Variants in VMP1 observed in about 807,000 individuals in gnomAD.
VMP1 encodes ectopic P-granules autophagy protein 3 homolog.
A neutral mutation model predicts 56.0 loss-of-function variants in VMP1; 11 were observed. The observed-to-expected ratio is 0.20, with a 90% CI of 0.12 to 0.32. The LOEUF (loss-of-function observed/expected upper bound fraction) is 0.32, where lower values mean the gene tolerates loss of function less well. Ranked by LOEUF, VMP1 falls within the 10% of genes least tolerant of loss-of-function variation. VMP1 has a pLI of 1.00. For synonymous variants in VMP1, 149 were observed against 165.0 expected (o/e 0.90, Z 0.74); for missense variants, 296 against 490.3 (o/e 0.60, Z 3.74).
intron 5 of VMP1, among the ~76,000 whole-genome samples, chr17:59,760,676 A>G (rs912510165): frequency 1.3e-5 from 2 of 152,026 alleles, no homozygotes; most frequent in Non-Finnish European, 2.9e-5. Flanking sequence ...GCTGGAGTGC[A>G]GTGGCGCAAT....
intron 9 of VMP1, 71 bp downstream of exon 9, chr17:59,811,857 C>G: frequency 9.3e-7 from 1 of 1,072,616 alleles, no homozygotes; most frequent in African/African-American, 1.6e-5. Flanking sequence ...ATGCTCATTC[C>G]TAAGTGAATT....
chr17:59,767,032 G>A (rs1039103152), intron 6 of VMP1, among the ~76,000 whole-genome samples: 4 of 151,864 alleles, frequency 2.6e-5, no homozygotes, highest in East Asian at 1.9e-4. Context: ...TCCACCAGGC[G>A]TGAGCCACCT....
At chr17:59,753,571 G>A (rs2035732338) in intron 5 of VMP1, among the ~76,000 whole-genome samples, 1 of 152,150 alleles carries the variant, frequency 6.6e-6, no homozygotes, top group Non-Finnish European at 1.5e-5. Context: ...TAGCAAAGGA[G>A]TCCATGGGCT....
At position 59,769,595 on chromosome 17, in the gene VMP1, TG is replaced by T. The variant is rs558631002; in HGVS notation, c.583-4157del. 2.6e-3 allele frequency among the ~76,000 whole-genome samples: 393 copies of T among 152,340 alleles called. 1 individual carries two copies. The highest frequency in any genetic ancestry group is 8.4e-3 in the African/African-American group (350 of 41,578). On this transcript the variant is annotated intron_variant, in intron 6 of 11. Transcript: ENST00000262291. ...TCCAAGAAGATGCTGTGTTATCAGTTGGTTTGCATATTTTGTGCATATTAAA... is the reference window on the plus strand; with the variant it reads ...TCCAAGAAGATGCTGTGTTATCAGTTGTTTGCATATTTTGTGCATATTAAA...
chr17:59,779,791 T>C (rs952403734), intron 7 of VMP1, among the ~76,000 whole-genome samples: 11 of 152,214 alleles, frequency 7.2e-5, no homozygotes, highest in Admixed American at 2.0e-4. Flanking sequence ...CACCCTACAT[T>C]GGCTAGAATA....
Position 59,825,219 on chromosome 17 carries a change from A to T in VMP1, c.974+7446A>T, listed in dbSNP as rs184054295. On this transcript the variant is annotated intron_variant, in intron 10 of 11. Transcript: ENST00000262291. The stretch of plus-strand genomic sequence containing the variant: ...CTCCCGAGTAGCTGGGATTACAGGC[A>T]CCTGCCACCATGCCTGGCTAATTTT... Among the ~76,000 whole-genome samples, 126 of 149,600 alleles carry T rather than the reference A, an allele frequency of 8.4e-4. No homozygotes were observed. The East Asian group carries it at 0.015, about 18-fold the overall frequency.
intron 1 of VMP1, among the ~76,000 whole-genome samples, chr17:59,718,972 T>C (rs1259679416): frequency 6.6e-6 from 1 of 152,138 alleles, no homozygotes. Flanking sequence ...GATAGACATA[T>C]CAGATGACAC....
At chr17:59,798,211 C>T (rs749377921) in intron 7 of VMP1, among the ~76,000 whole-genome samples, 17 of 152,296 alleles carry the variant, frequency 1.1e-4, no homozygotes, top group Non-Finnish European at 2.5e-4. Flanking sequence ...ATCTATACAT[C>T]GAGAAATCCA....
intron 10 of VMP1, among the ~76,000 whole-genome samples, chr17:59,835,522 C>G (rs973666276): frequency 6.8e-6 from 1 of 146,266 alleles, no homozygotes; most frequent in Non-Finnish European, 1.5e-5. Context: ...CAGAGTTTCA[C>G]TCTCGTTGCC....
At chr17:59,836,459 A>G (rs1366167588) in intron 10 of VMP1, among the ~76,000 whole-genome samples, 1 of 152,036 alleles carries the variant, frequency 6.6e-6, no homozygotes, top group African/African-American at 2.4e-5. Context: ...TGGCCTCCCA[A>G]AGTGCTGGGA....
chr17:59,823,084 C>A (rs186929827), intron 10 of VMP1, among the ~76,000 whole-genome samples: 3 of 152,058 alleles, frequency 2.0e-5, no homozygotes, highest in Admixed American at 2.0e-4. Context: ...GACCCTGATT[C>A]TTGAAAAAAA....
At chr17:59,795,030 C>G (rs2037387039) in intron 7 of VMP1, among the ~76,000 whole-genome samples, 1 of 141,734 alleles carries the variant, frequency 7.1e-6, no homozygotes, top group Admixed American at 7.5e-5. Context: ...GGAGTTTCGC[C>G]CTTGTCGCTC....
chr17:59,807,439 C>T (rs993343127), intron 7 of VMP1, among the ~76,000 whole-genome samples: 6 of 151,926 alleles, frequency 3.9e-5, no homozygotes, highest in African/African-American at 1.2e-4. Flanking sequence ...CCTTGTGATC[C>T]GCCTGCCTCA....
At chr17:59,831,801 G>T (rs1487075950) in intron 10 of VMP1, among the ~76,000 whole-genome samples, 5 of 149,218 alleles carry the variant, frequency 3.4e-5, no homozygotes, top group African/African-American at 1.2e-4. Flanking sequence ...GCATTCCTGA[G>T]TTTTTTTTTT....
At chr17:59,743,335 A>C (rs550329203) in intron 5 of VMP1, among the ~76,000 whole-genome samples, 1 of 152,276 alleles carries the variant, frequency 6.6e-6, no homozygotes, top group African/African-American at 2.4e-5. Context: ...TCCAGAAGAC[A>C]CTATAGTTGG....
At chr17:59,720,933 A>AT (rs531593074) in intron 1 of VMP1, among the ~76,000 whole-genome samples, 9 of 152,164 alleles carry the variant, frequency 5.9e-5, no homozygotes, top group African/African-American at 2.2e-4. Context: ...AGATTGTGCC[A>AT]TTGCACTCAA....
At position 59,712,677 on chromosome 17, in the gene VMP1, C is replaced by T. The variant is rs928969515; in HGVS notation, c.-27+4929C>T. Among the ~76,000 whole-genome samples the T allele has an allele frequency of 3.3e-5, 5 of 152,248 alleles. No individual in the cohort carries two copies. In the East Asian group the frequency reaches 7.7e-4, roughly 23 times the overall value. On this transcript the variant is annotated intron_variant, in intron 1 of 11. Coordinates refer to ENST00000262291, the MANE Select transcript of VMP1 (RefSeq NM_030938.5). ...TTATTTGAGGCTGGAGCATAATAGA[C>T]TTGGAATACATTGACATGAGATGAT...
At chr17:59,741,337 T>C (rs982307997) in intron 5 of VMP1, among the ~76,000 whole-genome samples, 5 of 152,178 alleles carry the variant, frequency 3.3e-5, no homozygotes, top group African/African-American at 7.2e-5. Flanking sequence ...ATTATCCTTA[T>C]GAGAGACACA....
chr17:59,755,433 A>C (rs986721293), intron 5 of VMP1, among the ~76,000 whole-genome samples: 7 of 152,060 alleles, frequency 4.6e-5, no homozygotes, highest in Non-Finnish European at 1.0e-4. Flanking sequence ...AATATGGATT[A>C]ATTCAATATA....
Sources: allele counts gnomAD v4.1 joint callset (sites outside exome capture counted in the v4.1 genomes callset), GRCh38; gene constraint gnomAD v4.1.1; transcripts MANE v1.5; gene names NCBI Gene and HGNC (gene_info 2026-07-23, HGNC 2026-07-21).